Variants in DGKG observed in about 807,000 individuals in gnomAD.
DGKG encodes the protein DAG kinase gamma.
DGKG carries 78 observed loss-of-function variants against 105.3 expected under a neutral mutation model. That is an observed-to-expected ratio of 0.74 (90% CI 0.62 to 0.89). DGKG has a LOEUF of 0.89. Among genes scored for constraint, DGKG ranks in the 40% least tolerant of loss-of-function variants. The pLI is 0.00. For missense variants in DGKG, 958 were observed against 1,020.1 expected (o/e 0.94, Z 0.83); for synonymous variants, 346 against 367.1 (o/e 0.94, Z 0.66).
intron 1 of DGKG, among the ~76,000 whole-genome samples, chr3:186,358,747 A>G (rs115069161): frequency 0.013 from 2,039 of 152,056 alleles, 18 homozygotes; most frequent in Non-Finnish European, 0.02. Context: ...GATACTTGGT[A>G]CAAATAAACA....
chr3:186,351,948 C>T (rs1392601482), intron 1 of DGKG, among the ~76,000 whole-genome samples: 1 of 152,200 alleles, frequency 6.6e-6, no homozygotes, highest in Non-Finnish European at 1.5e-5. Context: ...TGGTTCTTAA[C>T]TCTTCTGAAC....
chr3:186,247,977 TTTCCTTCCTTCCTCCCTTCC>T lies in DGKG; in HGVS notation c.1761+3762_1761+3781del, dbSNP rs547928151. Among the ~76,000 whole-genome samples the T allele has an allele frequency of 2.9e-3, 438 of 152,140 alleles. 2 individuals are homozygous for T. Among genetic ancestry groups the T allele is most frequent in the Non-Finnish European group, 3.8e-3 (259 of 67,944 alleles). On this transcript the variant is annotated intron_variant, in intron 19 of 24. Coordinates refer to ENST00000265022, the MANE Select transcript of DGKG (RefSeq NM_001346.3). ...CCAGCAGGACTTCCTTCCTTCCTTC[TTTCCTTCCTTCCTCCCTTCC>T]TTCCTTCCTTCCTCCCTCCCTTCCT...
intron 22 of DGKG, among the ~76,000 whole-genome samples, chr3:186,165,598 G>T (rs1049594503): frequency 8.5e-5 from 13 of 152,196 alleles, no homozygotes; most frequent in Non-Finnish European, 1.3e-4. Flanking sequence ...CCAAGGAAAA[G>T]AACATTTCAC....
At chr3:186,153,267 A>G (rs1281110615) in intron 24 of DGKG, among the ~76,000 whole-genome samples, 1 of 152,108 alleles carries the variant, frequency 6.6e-6, no homozygotes, top group Non-Finnish European at 1.5e-5. Context: ...CCCTCAAATT[A>G]GGGGCTAGCA....
chr3:186,148,340 T>C lies in DGKG; in HGVS notation c.*1750A>G. 1.0e-6 allele frequency: 1 copy of C among 985,426 alleles called. No individual in the cohort carries two copies. The allele number at this position is 985,426 out of a possible 1,614,324, so 61.0% of individuals were successfully genotyped here. On this transcript the variant is annotated 3_prime_UTR_variant, in exon 25 of 25. Coordinates refer to ENST00000265022, the MANE Select transcript of DGKG (RefSeq NM_001346.3). ...AGGTTGTTTCCAAACTAAGAGACTATGATGACCATGATGAGGTGACATGTG... is the reference window on the plus strand; with the variant it reads ...AGGTTGTTTCCAAACTAAGAGACTACGATGACCATGATGAGGTGACATGTG...
intron 1 of DGKG, among the ~76,000 whole-genome samples, chr3:186,321,453 C>A (rs1384063639): frequency 6.6e-6 from 1 of 152,234 alleles, no homozygotes; most frequent in Non-Finnish European, 1.5e-5. Flanking sequence ...TTCAGTTATA[C>A]ACCCATGGTT....
chr3:186,213,941 A>C (rs555855219), intron 20 of DGKG, among the ~76,000 whole-genome samples: 13 of 152,334 alleles, frequency 8.5e-5, no homozygotes, highest in South Asian at 4.1e-4. Flanking sequence ...AACAGGAAAA[A>C]CACAGATTGT....
At chr3:186,178,533 G>A (rs1210889205) in intron 22 of DGKG, among the ~76,000 whole-genome samples, 1 of 152,160 alleles carries the variant, frequency 6.6e-6, no homozygotes, top group African/African-American at 2.4e-5. Context: ...AACCTCCTGA[G>A]GCAGGAATTA....
At chr3:186,255,817 G>T (rs1290411191) in intron 17 of DGKG, among the ~76,000 whole-genome samples, 1 of 152,190 alleles carries the variant, frequency 6.6e-6, no homozygotes, top group Non-Finnish European at 1.5e-5. Context: ...ACCATGGGGG[G>T]GCGCTGCAGA....
intron 20 of DGKG, among the ~76,000 whole-genome samples, chr3:186,236,684 G>C (rs1458244306): frequency 6.6e-6 from 1 of 152,196 alleles, no homozygotes; most frequent in African/African-American, 2.4e-5. Flanking sequence ...TGACTCCATG[G>C]GACCTGCTCC....
intron 24 of DGKG, among the ~76,000 whole-genome samples, chr3:186,153,920 CAT>C (rs1459742637): frequency 6.6e-6 from 1 of 152,234 alleles, no homozygotes; most frequent in East Asian, 1.9e-4. Context: ...GCCTGGGGAA[CAT>C]GGTGAAACTT....
At chr3:186,326,658 T>A (rs769216641) in intron 1 of DGKG, among the ~76,000 whole-genome samples, 4 of 152,182 alleles carry the variant, frequency 2.6e-5, no homozygotes, top group Admixed American at 6.5e-5. Context: ...AGTCCACACC[T>A]CTGTGAAAAA....
At chr3:186,298,012 AG>A in intron 4 of DGKG, 51 bp downstream of exon 4, 1 of 1,550,806 alleles carries the variant, frequency 6.4e-7, no homozygotes, top group Non-Finnish European at 8.7e-7. Context: ...TGGCTGTGGC[AG>A]GGGATGAGAG....
chr3:186,175,072 G>C (rs560963251), intron 22 of DGKG, among the ~76,000 whole-genome samples: 1 of 152,306 alleles, frequency 6.6e-6, no homozygotes, highest in South Asian at 2.1e-4. Flanking sequence ...TGTGGTGTCT[G>C]TTCTGGCTCT....
At chr3:186,152,670 T>G (rs1297863208) in intron 24 of DGKG, among the ~76,000 whole-genome samples, 1 of 152,124 alleles carries the variant, frequency 6.6e-6, no homozygotes, top group Non-Finnish European at 1.5e-5. Context: ...TCCCCCACAT[T>G]TTTTTATTTT....
At chr3:186,296,198 GT>G (rs10713888) in intron 5 of DGKG, among the ~76,000 whole-genome samples, 6,026 of 151,964 alleles carry the variant, frequency 0.04, 383 homozygotes, top group African/African-American at 0.13. Context: ...CATTTACTGT[GT>G]GCCAGGCACT....
intron 6 of DGKG, among the ~76,000 whole-genome samples, chr3:186,288,137 C>T (rs1723153274): frequency 6.6e-6 from 1 of 152,174 alleles, no homozygotes; most frequent in South Asian, 2.1e-4. Flanking sequence ...TTAGTAGCAC[C>T]ACGAAACTGA....
intron 21 of DGKG, among the ~76,000 whole-genome samples, chr3:186,197,290 G>T (rs1352363767): frequency 6.6e-6 from 1 of 152,154 alleles, no homozygotes; most frequent in Non-Finnish European, 1.5e-5. Context: ...TAGGGGTTCT[G>T]ATGGGCTGAG....
At chr3:186,204,407 A>AAAT (rs761466430) in intron 21 of DGKG, among the ~76,000 whole-genome samples, 19 of 151,962 alleles carry the variant, frequency 1.3e-4, no homozygotes, top group Non-Finnish European at 1.9e-4. Flanking sequence ...CCCTGCTTCA[A>AAAT]AATAATAATA....
Sources: allele counts gnomAD v4.1 joint callset (sites outside exome capture counted in the v4.1 genomes callset), GRCh38; gene constraint gnomAD v4.1.1; transcripts MANE v1.5; gene names NCBI Gene and HGNC (gene_info 2026-07-23, HGNC 2026-07-21).